RPRD2: variants seen among roughly 807,000 people sequenced by gnomAD.
RPRD2 encodes regulation of nuclear pre-mRNA domain-containing protein 2.
Under a neutral mutation model 104.4 loss-of-function variants are expected in RPRD2, and 12 were observed. The ratio of observed to expected loss-of-function variants is 0.11; its 90% CI spans 0.07 to 0.19. RPRD2 has a LOEUF of 0.19. RPRD2 is among the 10% of genes least tolerant of loss of function. The pLI, the probability that RPRD2 is intolerant of heterozygous loss-of-function variation, is 1.00. For missense variants in RPRD2, 1,543 were observed against 1,790.1 expected (o/e 0.86, Z 2.49); for synonymous variants, 714 against 684.9 (o/e 1.04, Z -0.66).
chr1:150,364,566 G>A lies in RPRD2; in HGVS notation c.-149G>A. The A allele has an allele frequency of 1.7e-6, 1 of 590,348 alleles. No individual in the cohort carries two copies. Among genetic ancestry groups the A allele is most frequent in the Admixed American group, 3.3e-5 (1 of 30,500 alleles). The allele number at this position is 590,348 out of a possible 1,614,324, so 36.6% of individuals were successfully genotyped here. The stretch of plus-strand genomic sequence containing the variant: ...GCTGGTGTTCCCGTCCGTACCTCCA[G>A]AAGAGCCCAGCGCGTGCACCATCCC... On this transcript the variant is annotated 5_prime_UTR_variant, in exon 1 of 11. Coordinates refer to ENST00000369068, the MANE Select transcript of RPRD2 (RefSeq NM_015203.5).
At position 150,393,536 on chromosome 1, in the gene RPRD2, G is replaced by A. The variant is rs587717925; in HGVS notation, c.206-24060G>A. The stretch of plus-strand genomic sequence containing the variant: ...AGGAGCAGTATATAGTATTCCTACA[G>A]TGTGAATGTATCACCCCATAGATTA... On this transcript the variant is annotated intron_variant, in intron 1 of 10. Transcript: ENST00000369068. Among the ~76,000 whole-genome samples the A allele has an allele frequency of 7.3e-5, 11 of 150,306 alleles. No individual in the cohort carries two copies. The East Asian group carries it at 2.0e-3, about 27-fold the overall frequency.
intron 2 of RPRD2, among the ~76,000 whole-genome samples, chr1:150,429,563 C>T (rs1665412017): frequency 6.6e-6 from 1 of 152,128 alleles, no homozygotes; most frequent in Non-Finnish European, 1.5e-5. Flanking sequence ...CCATGTTGCC[C>T]AGGCTGGTCT....
chr1:150,418,183 G>T (rs1414060014), intron 2 of RPRD2, among the ~76,000 whole-genome samples: 1 of 152,042 alleles, frequency 6.6e-6, no homozygotes, highest in Non-Finnish European at 1.5e-5. Flanking sequence ...TAGCCAAGAT[G>T]GTCTTAATCT....
In RPRD2 at chr1:150,417,704, C is replaced by T. The variant is rs781934080; in HGVS notation, c.314C>T (p.Pro105Leu). 5 of 1,604,912 alleles carry T rather than the reference C, an allele frequency of 3.1e-6. No individual in the cohort carries two copies. The African/African-American group carries it at 6.7e-5, about 21-fold the overall frequency. ...CGTGAATCATTTGCTGATGTACTTC[C>T]TGAAGCAGCTGCTCTAGTGAAGTAA... ...IFRESFADVL[P>L]EAAALVKDPS... The change falls in exon 2 of 11, where the codon CCT becomes CTT. Residue 105 changes from proline to leucine, a missense_variant. Transcript: ENST00000369068.
intron 10 of RPRD2, among the ~76,000 whole-genome samples, chr1:150,467,674 G>T (rs1482083285): frequency 6.6e-6 from 1 of 152,000 alleles, no homozygotes; most frequent in Non-Finnish European, 1.5e-5. Context: ...GTGCCTGGCC[G>T]ATGTGAAATT....
At chr1:150,380,000 C>G (rs1244087563) in intron 1 of RPRD2, among the ~76,000 whole-genome samples, 1 of 152,252 alleles carries the variant, frequency 6.6e-6, no homozygotes, top group Admixed American at 6.5e-5. Flanking sequence ...CTCATCTTAA[C>G]ATCGCATATT....
intron 1 of RPRD2, 91 bp from the exon 2 acceptor site, chr1:150,417,505 G>T: frequency 9.7e-7 from 1 of 1,031,078 alleles, no homozygotes; most frequent in African/African-American, 1.6e-5. Context: ...AAAATAACCA[G>T]TTACAGTTTG....
chr1:150,438,524 G>A (rs782013939), intron 2 of RPRD2, among the ~76,000 whole-genome samples: 6 of 151,808 alleles, frequency 4.0e-5, no homozygotes, highest in Non-Finnish European at 5.9e-5. Flanking sequence ...AGCTACCCCG[G>A]AGGCGGAGGC....
intron 7 of RPRD2, among the ~76,000 whole-genome samples, chr1:150,450,677 G>A (rs1667103836): frequency 6.7e-6 from 1 of 149,906 alleles, no homozygotes; most frequent in East Asian, 2.0e-4. Context: ...CTAGAGTGCA[G>A]TGGCGCAATC....
chr1:150,405,074 T>G (rs1193106052), intron 1 of RPRD2, among the ~76,000 whole-genome samples: 1 of 152,094 alleles, frequency 6.6e-6, no homozygotes, highest in Non-Finnish European at 1.5e-5. Context: ...TAGAGAAAAA[T>G]TGATGCTTGG....
chr1:150,426,531 G>T (rs1195412833), intron 2 of RPRD2, among the ~76,000 whole-genome samples: 1 of 152,066 alleles, frequency 6.6e-6, no homozygotes, highest in African/African-American at 2.4e-5. Flanking sequence ...TCTAAAAATC[G>T]GTGAGCTAAG....
At chr1:150,369,623 A>ATTTTTTTTT (rs61016870) in intron 1 of RPRD2, among the ~76,000 whole-genome samples, 1,807 of 68,696 alleles carry the variant, frequency 0.026, 154 homozygotes, top group African/African-American at 0.091. Flanking sequence ...CGCCCAGCTA[A>ATTTTTTTTT]TTTTTTTTTT....
At chr1:150,368,229 C>T (rs587715619) in intron 1 of RPRD2, among the ~76,000 whole-genome samples, 36 of 128,254 alleles carry the variant, frequency 2.8e-4, no homozygotes, top group African/African-American at 9.6e-4. Context: ...TTTTTTAATA[C>T]GGAGTCTTAA....
Position 150,472,580 on chromosome 1 carries a change from G to T in RPRD2, c.3632G>T (p.Gly1211Val), listed in dbSNP as rs1668662218. Reference sequence around the variant, plus strand: ...ACACCCTTCCAGAGAGAGCCAGTGGGGCCATCATCTGCCCCACCTGTCCCT... The same window carrying T: ...ACACCCTTCCAGAGAGAGCCAGTGGTGCCATCATCTGCCCCACCTGTCCCT... Reference protein sequence around the residue: ...HGTPFQREPVGPSSAPPVPPK... With the variant: ...HGTPFQREPVVPSSAPPVPPK... Residue 1211 changes from glycine (G) to valine (V), a missense_variant, in exon 11 of 11, where the codon GGG (glycine) becomes GTG (valine). Transcript: ENST00000369068. 1 of 1,613,868 alleles carries T rather than the reference G, an allele frequency of 6.2e-7. No homozygotes were observed.
rs966029873 is a variant in RPRD2 at position 150,473,795 on chromosome 1, G to A, written c.*461G>A. ...AGGATTCCCGTCCCCTCTCTCGGCAGCTTAGTAACTGCTGTAGCCAGCTCG... is the reference window on the plus strand; with the variant it reads ...AGGATTCCCGTCCCCTCTCTCGGCAACTTAGTAACTGCTGTAGCCAGCTCG... On this transcript the variant is annotated 3_prime_UTR_variant, in exon 11 of 11. Coordinates refer to ENST00000369068, the MANE Select transcript of RPRD2 (RefSeq NM_015203.5). 1.3e-5 allele frequency: 2 copies of A among 152,822 alleles called. No homozygotes were observed. The highest frequency in any genetic ancestry group is 4.8e-5 in the African/African-American group (2 of 41,444). The allele number at this position is 152,822 out of a possible 1,614,324, so 9.5% of individuals were successfully genotyped here. A position where few individuals can be genotyped will look rare whatever the true frequency, so the allele number is the denominator to read the frequency against.
chr1:150,446,582 C>T (rs1005242743), intron 7 of RPRD2, among the ~76,000 whole-genome samples, 181 bp downstream of exon 7: 1 of 152,100 alleles, frequency 6.6e-6, no homozygotes, highest in Non-Finnish European at 1.5e-5. Flanking sequence ...GAGGCTGAGG[C>T]AGGAGGATTG....
chr1:150,449,670 C>T (rs1667024257), intron 7 of RPRD2, among the ~76,000 whole-genome samples: 2 of 152,076 alleles, frequency 1.3e-5, no homozygotes, highest in South Asian at 2.1e-4. Flanking sequence ...CTGATGACCT[C>T]ACTTAACTTG....
At chr1:150,459,974 C>T (rs1342154094) in intron 8 of RPRD2, 86 bp from the exon 9 acceptor site, 23 of 1,309,666 alleles carry the variant, frequency 1.8e-5, no homozygotes, top group African/African-American at 3.0e-5. Flanking sequence ...CCCCCAAGTC[C>T]GGAAATATTA....
intron 1 of RPRD2, among the ~76,000 whole-genome samples, chr1:150,403,199 A>G (rs1487129358): frequency 1.3e-5 from 2 of 152,214 alleles, no homozygotes; most frequent in Non-Finnish European, 1.5e-5. Flanking sequence ...AATGTCTGCT[A>G]TATTATTATA....
Sources: allele counts gnomAD v4.1 joint callset (sites outside exome capture counted in the v4.1 genomes callset), GRCh38; gene constraint gnomAD v4.1.1; transcripts MANE v1.5; gene names NCBI Gene and HGNC (gene_info 2026-07-23, HGNC 2026-07-21).